INTS4: variants seen among roughly 807,000 people sequenced by gnomAD.
INTS4 encodes MSTP093.
A neutral mutation model predicts 119.5 loss-of-function variants in INTS4; 70 were observed. The ratio of observed to expected loss-of-function variants is 0.59; its 90% confidence interval spans 0.48 to 0.71. INTS4 has a LOEUF of 0.71. Ranked by LOEUF, INTS4 falls within the 30% of genes least tolerant of loss-of-function variation. INTS4 has a pLI of 0.00. For synonymous variants in INTS4, 316 were observed against 419.6 expected, an observed-to-expected ratio of 0.75 and a Z score of 3.02; for missense variants, 867 against 1,173.2, an observed-to-expected ratio of 0.74 and a Z score of 3.81.
chr11:77,907,710 A>G lies in INTS4; in HGVS notation c.2016+7T>C. ...CACAATCATAAATGGAATGGATGCA[A>G]ACCAACCTTGATGAGAAGTAGTTGA... is the stretch of plus-strand genomic sequence containing the variant. On this transcript the variant is annotated splice_region_variant and intron_variant, in intron 16 of 22. Transcript: ENST00000534064. The G allele has an allele frequency of 6.2e-7, 1 of 1,608,822 alleles. No individual in the cohort carries two copies. Among genetic ancestry groups the G allele is most frequent in the Non-Finnish European group, 8.5e-7 (1 of 1,175,330 alleles).
At chr11:77,913,364 T>A (rs1256861740) in intron 15 of INTS4, among the ~76,000 whole-genome samples, 1 of 144,720 alleles carries the variant, frequency 6.9e-6, no homozygotes, top group Non-Finnish European at 1.5e-5. Flanking sequence ...CAGGCTGGAG[T>A]GCAGTGGCGT....
At chr11:77,960,709 G>C (rs1213876645) in intron 5 of INTS4, among the ~76,000 whole-genome samples, 1 of 151,952 alleles carries the variant, frequency 6.6e-6, no homozygotes, top group Non-Finnish European at 1.5e-5. Context: ...CAAGTCGAAG[G>C]AATTATAACA....
chr11:77,985,118 A>G (rs1856405593), intron 2 of INTS4, among the ~76,000 whole-genome samples: 1 of 152,204 alleles, frequency 6.6e-6, no homozygotes, highest in African/African-American at 2.4e-5. Flanking sequence ...TCTTCTGACC[A>G]TTAAAACTGT....
chr11:77,899,102 G>T (rs777478076), intron 18 of INTS4, among the ~76,000 whole-genome samples: 4 of 152,110 alleles, frequency 2.6e-5, no homozygotes, highest in Admixed American at 2.0e-4. Flanking sequence ...GGAAGAGATA[G>T]GTACTACTAT....
At chr11:77,980,078 CA>C (rs1246759080) in intron 3 of INTS4, among the ~76,000 whole-genome samples, 3 of 151,704 alleles carry the variant, frequency 2.0e-5, no homozygotes, top group Non-Finnish European at 4.4e-5. Flanking sequence ...ACATACATAC[CA>C]GGCCTTCCAT....
chr11:77,907,189 C>T (rs1952976835), intron 16 of INTS4, among the ~76,000 whole-genome samples: 1 of 152,116 alleles, frequency 6.6e-6, no homozygotes, highest in African/African-American at 2.4e-5. Context: ...GCAGTCCTCC[C>T]AACTCCAGCC....
At chr11:77,953,621 T>A (rs1954248243) in intron 8 of INTS4, among the ~76,000 whole-genome samples, 1 of 152,108 alleles carries the variant, frequency 6.6e-6, no homozygotes, top group Non-Finnish European at 1.5e-5. Context: ...TCTCGCTCTT[T>A]TGCACAGGCT....
At chr11:77,899,385 A>T (rs1413039346) in intron 18 of INTS4, among the ~76,000 whole-genome samples, 1 of 152,106 alleles carries the variant, frequency 6.6e-6, no homozygotes, top group Non-Finnish European at 1.5e-5. Context: ...CAAATGAAAA[A>T]TATAGGCTGG....
intron 10 of INTS4, among the ~76,000 whole-genome samples, chr11:77,937,489 A>G (rs1953825613): frequency 6.6e-6 from 1 of 152,190 alleles, no homozygotes. Flanking sequence ...CACGCCCGCA[A>G]TCTCAACACT....
chr11:77,966,202 C>T (rs1257856821), intron 4 of INTS4, among the ~76,000 whole-genome samples: 1 of 152,118 alleles, frequency 6.6e-6, no homozygotes, highest in Non-Finnish European at 1.5e-5. Context: ...TGGATATTAG[C>T]CCTTGTCAGA....
chr11:77,883,329 T>C (rs1204496039), intron 22 of INTS4, among the ~76,000 whole-genome samples: 1 of 152,178 alleles, frequency 6.6e-6, no homozygotes, highest in East Asian at 1.9e-4. Context: ...AGGCTTGAAA[T>C]GTAATCTCCT....
At chr11:77,992,267 G>A (rs1856722353) in intron 1 of INTS4, among the ~76,000 whole-genome samples, 1 of 151,474 alleles carries the variant, frequency 6.6e-6, no homozygotes, top group Non-Finnish European at 1.5e-5. Context: ...GGGTGGTGGT[G>A]TATGCCTGCA....
chr11:77,927,473 C>T (rs1304532233), intron 11 of INTS4, among the ~76,000 whole-genome samples: 1 of 152,058 alleles, frequency 6.6e-6, no homozygotes, highest in Non-Finnish European at 1.5e-5. Context: ...ACCCCATCTT[C>T]CCCAAAAAAG....
At chr11:77,954,066 C>T (rs1159065856) in intron 8 of INTS4, among the ~76,000 whole-genome samples, 1 of 152,172 alleles carries the variant, frequency 6.6e-6, no homozygotes, top group Non-Finnish European at 1.5e-5. Flanking sequence ...CCCGCCTTGG[C>T]CTCCCAAAGT....
chr11:77,963,369 A>AAAC (rs1555039238), intron 4 of INTS4: 1 of 322,918 alleles, frequency 3.1e-6, no homozygotes, highest in South Asian at 1.9e-5. Flanking sequence ...AAAAAAAAAA[A>AAAC]AAAAACAAAA....
chr11:77,901,361 T>C, intron 18 of INTS4, 60 bp downstream of exon 18: 1 of 1,549,916 alleles, frequency 6.5e-7, no homozygotes, highest in Non-Finnish European at 8.9e-7. Flanking sequence ...GATGTCTGAA[T>C]GCATTTGAAG....
intron 22 of INTS4, among the ~76,000 whole-genome samples, chr11:77,880,220 G>A (rs1951739100): frequency 6.6e-6 from 1 of 152,168 alleles, no homozygotes; most frequent in Non-Finnish European, 1.5e-5. Context: ...AGGCTAGATG[G>A]ATCTAAATTA....
intron 8 of INTS4, among the ~76,000 whole-genome samples, chr11:77,952,341 C>G (rs1954216439): frequency 6.6e-6 from 1 of 152,138 alleles, no homozygotes; most frequent in Non-Finnish European, 1.5e-5. Context: ...TCTGTGTGGT[C>G]TCAGACAAAT....
At chr11:77,945,477 C>G (rs570719870) in intron 8 of INTS4, among the ~76,000 whole-genome samples, 14 of 152,318 alleles carry the variant, frequency 9.2e-5, no homozygotes, top group Middle Eastern at 3.4e-3. Flanking sequence ...ACCATGATCA[C>G]ATGATGGCCT....
Sources: allele counts gnomAD v4.1 joint callset (sites outside exome capture counted in the v4.1 genomes callset), GRCh38; gene constraint gnomAD v4.1.1; transcripts MANE v1.5; gene names NCBI Gene and HGNC (gene_info 2026-07-23, HGNC 2026-07-21).